CA10: variants seen among roughly 807,000 people sequenced by gnomAD.
CA10 encodes carbonic anhydrase 10 (inactive).
A neutral mutation model predicts 44.2 loss-of-function variants in CA10; 14 were observed. The observed-to-expected ratio is 0.32, with a 90% CI of 0.21 to 0.50. The LOEUF is 0.50. Ranked by LOEUF, CA10 falls within the 20% of genes least tolerant of loss-of-function variation. CA10 has a pLI of 0.99. For missense variants in CA10, 350 were observed against 409.7 expected, an observed-to-expected ratio of 0.85 and a Z score of 1.26; for synonymous variants, 159 against 141.6, an observed-to-expected ratio of 1.12 and a Z score of -0.87.
At chr17:51,801,772 C>T (rs1304561353) in intron 3 of CA10, among the ~76,000 whole-genome samples, 1 of 152,134 alleles carries the variant, frequency 6.6e-6, no homozygotes, top group Non-Finnish European at 1.5e-5. Context: ...GCCAGACAAC[C>T]CATGTTTTAT....
chr17:51,818,967 G>C (rs576475086), intron 3 of CA10, among the ~76,000 whole-genome samples: 106 of 152,204 alleles, frequency 7.0e-4, no homozygotes, highest in African/African-American at 2.5e-3. Context: ...CCAACATAAG[G>C]CTCCCACATC....
At chr17:51,691,500 T>A (rs972320679) in intron 4 of CA10, among the ~76,000 whole-genome samples, 1 of 152,216 alleles carries the variant, frequency 6.6e-6, no homozygotes, top group African/African-American at 2.4e-5. Context: ...TTACAAATAT[T>A]AATACTTTCC....
intron 1 of CA10, among the ~76,000 whole-genome samples, chr17:52,096,821 T>C (rs1317621761): frequency 2.0e-5 from 3 of 152,226 alleles, no homozygotes; most frequent in Non-Finnish European, 2.9e-5. Context: ...AGTCTTCACA[T>C]AATATGCTAT....
intron 1 of CA10, among the ~76,000 whole-genome samples, chr17:52,121,748 T>A (rs1426636785): frequency 6.6e-6 from 1 of 151,748 alleles, no homozygotes; most frequent in African/African-American, 2.4e-5. Context: ...AGGCACTAGG[T>A]CAATCACAGC....
At chr17:52,013,604 T>C (rs1985877311) in intron 2 of CA10, among the ~76,000 whole-genome samples, 2 of 151,852 alleles carry the variant, frequency 1.3e-5, no homozygotes, top group South Asian at 4.1e-4. Context: ...TAGAAAGAAA[T>C]AGATTACCAT....
chr17:51,826,012 C>A (rs1281790236), intron 3 of CA10, among the ~76,000 whole-genome samples: 1 of 152,206 alleles, frequency 6.6e-6, no homozygotes, highest in East Asian at 1.9e-4. Flanking sequence ...GTGTGTATTT[C>A]ATCTTTGCAT....
intron 3 of CA10, among the ~76,000 whole-genome samples, chr17:51,903,496 A>G (rs1981409646): frequency 6.6e-6 from 1 of 152,156 alleles, no homozygotes; most frequent in Admixed American, 6.6e-5. Flanking sequence ...TGAGCCAGGC[A>G]AACACTAATG....
At chr17:52,006,212 G>A (rs755183887) in intron 2 of CA10, among the ~76,000 whole-genome samples, 1 of 151,772 alleles carries the variant, frequency 6.6e-6, no homozygotes, top group Non-Finnish European at 1.5e-5. Context: ...CCTACAGAAG[G>A]AAGTATGAAC....
At chr17:51,971,057 A>G (rs1407727841) in intron 2 of CA10, among the ~76,000 whole-genome samples, 1 of 152,116 alleles carries the variant, frequency 6.6e-6, no homozygotes, top group Non-Finnish European at 1.5e-5. Context: ...ATTTCAAAAT[A>G]CACTATGAAA....
At chr17:51,921,182 C>G (rs1402814414) in intron 3 of CA10, among the ~76,000 whole-genome samples, 1 of 152,146 alleles carries the variant, frequency 6.6e-6, no homozygotes, top group Non-Finnish European at 1.5e-5. Flanking sequence ...CATACAGAAT[C>G]AAAGTACATC....
intron 4 of CA10, among the ~76,000 whole-genome samples, chr17:51,671,436 G>A (rs1275910229): frequency 2.6e-5 from 4 of 151,696 alleles, no homozygotes; most frequent in African/African-American, 7.3e-5. Flanking sequence ...ATGGAATCTC[G>A]CTCTGTTGCC....
At chr17:51,924,291 G>C (rs1285377952) in intron 3 of CA10, among the ~76,000 whole-genome samples, 1 of 152,034 alleles carries the variant, frequency 6.6e-6, no homozygotes, top group Non-Finnish European at 1.5e-5. Flanking sequence ...TTGTTTGTTT[G>C]TTTTTTAAAG....
chr17:51,771,122 CAAAAAAAA>C (rs71357854), intron 3 of CA10, among the ~76,000 whole-genome samples: 3 of 37,676 alleles, frequency 8.0e-5, no homozygotes, highest in Admixed American at 3.8e-4. Flanking sequence ...GACTCCGTCT[CAAAAAAAA>C]AAAAAAAAAA....
chr17:52,096,772 C>G (rs1437713765), intron 1 of CA10, among the ~76,000 whole-genome samples: 1 of 152,184 alleles, frequency 6.6e-6, no homozygotes, highest in Non-Finnish European at 1.5e-5. Context: ...TGAGGTTGGT[C>G]AAAGCCATTT....
chr17:52,104,754 A>C (rs1282585416), intron 1 of CA10, among the ~76,000 whole-genome samples: 2 of 152,170 alleles, frequency 1.3e-5, no homozygotes, highest in Non-Finnish European at 2.9e-5. Flanking sequence ...CCAAGTCCTA[A>C]GCACTGACTC....
At chr17:51,878,794 T>TC (rs1311639687) in intron 3 of CA10, among the ~76,000 whole-genome samples, 1 of 134,352 alleles carries the variant, frequency 7.4e-6, no homozygotes, top group African/African-American at 2.7e-5. Context: ...AACAGGGTGC[T>TC]CTTCCAAGGA....
intron 4 of CA10, among the ~76,000 whole-genome samples, chr17:51,703,024 G>T (rs1915650267): frequency 6.6e-6 from 1 of 152,132 alleles, no homozygotes; most frequent in South Asian, 2.1e-4. Context: ...CTGGGAGGTT[G>T]TTATATACAA....
chr17:51,649,302 A>G (rs1323514575), intron 5 of CA10, 48 bp from the exon 6 acceptor site: 4 of 1,300,588 alleles, frequency 3.1e-6, no homozygotes, highest in Middle Eastern at 1.8e-4. Context: ...CTCTTGCAGG[A>G]CAAACATCTC....
At chr17:51,859,179 A>G (rs982734149) in intron 3 of CA10, among the ~76,000 whole-genome samples, 6 of 152,140 alleles carry the variant, frequency 3.9e-5, no homozygotes, top group African/African-American at 1.2e-4. Flanking sequence ...GAGTTCTTCA[A>G]TCTGTGGCAG....
Sources: allele counts gnomAD v4.1 joint callset (sites outside exome capture counted in the v4.1 genomes callset), GRCh38; gene constraint gnomAD v4.1.1; transcripts MANE v1.5; gene names NCBI Gene and HGNC (gene_info 2026-07-23, HGNC 2026-07-21).